VPS13B: variants seen among roughly 807,000 people sequenced by gnomAD.
VPS13B encodes vacuolar protein sorting 13 homolog B.
In VPS13B, 285 loss-of-function variants were observed where a neutral mutation model predicts 426.4. The observed-to-expected ratio is 0.67, with a 90% CI of 0.61 to 0.74. VPS13B has a LOEUF of 0.74. Ranked by LOEUF, VPS13B falls within the 30% of genes least tolerant of loss-of-function variation. VPS13B has a pLI of 0.00. For synonymous variants in VPS13B, 1,676 were observed against 1,676.4 expected, an observed-to-expected ratio of 1.00 and a Z score of 0.01; for missense variants, 4,537 against 4,782.6, an observed-to-expected ratio of 0.95 and a Z score of 1.51.
intron 33 of VPS13B, among the ~76,000 whole-genome samples, chr8:99,597,716 T>A (rs368120463): frequency 6.6e-6 from 1 of 152,016 alleles, no homozygotes; most frequent in Non-Finnish European, 1.5e-5. Context: ...AGTGACATCA[T>A]GCAGCTACTG....
intron 12 of VPS13B, among the ~76,000 whole-genome samples, chr8:99,141,193 A>G (rs930545016): frequency 3.9e-5 from 6 of 152,252 alleles, no homozygotes; most frequent in Admixed American, 2.0e-4. Flanking sequence ...GGCCAGATGC[A>G]TGAAAGGTGG....
In VPS13B at chr8:99,868,411, G is replaced by T. The variant is rs138565077; in HGVS notation, c.11338G>T (p.Val3780Leu). 564 of 1,614,006 alleles carry T rather than the reference G, an allele frequency of 3.5e-4. No individual in the cohort carries two copies. Among genetic ancestry groups the T allele is most frequent in the Non-Finnish European group, 4.5e-4 (532 of 1,180,024 alleles). The part of the protein sequence containing the change: ...ISGVGKGIMG[V>L]FTKPIGGAAE... ...GGGTGTGGGGAAAGGAATCATGGGG[G>T]TGTTCACAAAGCCCATCGGAGGAGC... Residue 3780 changes from valine (V) to leucine (L), a missense_variant, in exon 59 of 62, where the codon GTG becomes TTG. Val to Leu is a conservative substitution (Grantham distance 32). Coordinates refer to ENST00000357162, the MANE Select transcript of VPS13B (RefSeq NM_152564.5).
At chr8:99,580,359 C>G (rs1825990760) in intron 33 of VPS13B, among the ~76,000 whole-genome samples, 1 of 147,778 alleles carries the variant, frequency 6.8e-6, no homozygotes, top group East Asian at 2.0e-4. Flanking sequence ...CTTTTCTTTT[C>G]TTTTCTTTTG....
intron 21 of VPS13B, among the ~76,000 whole-genome samples, chr8:99,426,103 C>G (rs1386193885): frequency 7.0e-6 from 1 of 143,630 alleles, no homozygotes; most frequent in Non-Finnish European, 1.5e-5. Flanking sequence ...TGATATTCCC[C>G]TTCCTGTGTC....
intron 3 of VPS13B, among the ~76,000 whole-genome samples, chr8:99,052,818 T>C (rs1476496132): frequency 9.8e-5 from 15 of 152,360 alleles, no homozygotes; most frequent in African/African-American, 2.6e-4. Context: ...TTTATTTGCA[T>C]AGAGATGTTT....
At chr8:99,718,659 T>C (rs1050838962) in intron 37 of VPS13B, among the ~76,000 whole-genome samples, 75 of 151,874 alleles carry the variant, frequency 4.9e-4, no homozygotes, top group African/African-American at 1.7e-3. Context: ...ATGTGAATTT[T>C]TTTCTTTTTT....
At chr8:99,076,024 C>T (rs1190359874) in intron 3 of VPS13B, among the ~76,000 whole-genome samples, 4 of 151,814 alleles carry the variant, frequency 2.6e-5, no homozygotes, top group Non-Finnish European at 5.9e-5. Flanking sequence ...CTTAGTATCG[C>T]TTTTCTTGTA....
At chr8:99,583,667 A>G (rs928701415) in intron 33 of VPS13B, among the ~76,000 whole-genome samples, 13 of 152,338 alleles carry the variant, frequency 8.5e-5, no homozygotes, top group South Asian at 2.1e-4. Context: ...AATAATTAGA[A>G]ATAGGAACTT....
intron 19 of VPS13B, among the ~76,000 whole-genome samples, chr8:99,278,660 A>C (rs1032043828): frequency 6.6e-6 from 1 of 152,178 alleles, no homozygotes; most frequent in African/African-American, 2.4e-5. Context: ...TTTCTCTTTT[A>C]ACCTTAGAAT....
intron 19 of VPS13B, among the ~76,000 whole-genome samples, chr8:99,371,031 C>T (rs958309719): frequency 6.6e-6 from 1 of 152,134 alleles, no homozygotes; most frequent in East Asian, 1.9e-4. Flanking sequence ...TTTTTTTAAA[C>T]ATATATCCTT....
In VPS13B at chr8:99,391,645, A is replaced by G. The variant is rs369745645; in HGVS notation, c.3023A>G (p.Gln1008Arg). The change falls in exon 21 of 62, where the codon CAG (glutamine) becomes CGG (arginine). Residue 1008 changes from glutamine (Q) to arginine (R), a missense_variant. By Grantham distance (43) the Gln-to-Arg change is conservative. This residue lies in a region of VPS13B where 4,311 missense variants were observed against 4,474.3 expected (regional missense o/e 0.96). Coordinates refer to ENST00000357162, the MANE Select transcript of VPS13B (RefSeq NM_152564.5). ...VSIGSAPLAK[Q>R]QSYQASEYAS... ...ATTGGAAGTGCCCCCTTGGCAAAGC[A>G]GCAATCATATCAGGCCTCTGAATAT... 19 of 1,614,008 alleles carry G rather than the reference A, an allele frequency of 1.2e-5. No homozygotes were observed. The highest frequency in any genetic ancestry group is 1.5e-5 in the Non-Finnish European group (18 of 1,179,948).
intron 5 of VPS13B, among the ~76,000 whole-genome samples, chr8:99,107,928 C>CACTCA: frequency 6.6e-6 from 1 of 152,206 alleles, no homozygotes; most frequent in Middle Eastern, 3.4e-3. Context: ...ATTTGGTGTA[C>CACTCA]AGATTATTCT....
intron 2 of VPS13B, among the ~76,000 whole-genome samples, chr8:99,019,249 C>T (rs2132145113): frequency 6.7e-6 from 1 of 149,768 alleles, no homozygotes; most frequent in Admixed American, 6.7e-5. Flanking sequence ...TCTTGTTGCC[C>T]AGGCTGGAGT....
chr8:99,750,239 A>G (rs1330297435), intron 39 of VPS13B, among the ~76,000 whole-genome samples: 2 of 152,078 alleles, frequency 1.3e-5, no homozygotes, highest in Non-Finnish European at 2.9e-5. Flanking sequence ...CATTGTGGAC[A>G]TTTGTGAATT....
intron 17 of VPS13B, among the ~76,000 whole-genome samples, chr8:99,229,292 C>T (rs1204002925): frequency 2.0e-5 from 3 of 152,182 alleles, no homozygotes; most frequent in African/African-American, 7.2e-5. Flanking sequence ...CTTCTACCAC[C>T]ATTATTCAGG....
At chr8:99,183,073 A>C (rs1174867726) in intron 16 of VPS13B, among the ~76,000 whole-genome samples, 1 of 151,996 alleles carries the variant, frequency 6.6e-6, no homozygotes, top group African/African-American at 2.4e-5. Flanking sequence ...GCCGTCATGG[A>C]AAAAAAAGAG....
At chr8:99,309,176 T>C (rs1457642512) in intron 19 of VPS13B, among the ~76,000 whole-genome samples, 1 of 152,202 alleles carries the variant, frequency 6.6e-6, no homozygotes, top group Non-Finnish European at 1.5e-5. Flanking sequence ...GCAGAAGCTC[T>C]TTAGTTTAGT....
Position 99,148,877 on chromosome 8 carries a change from G to A in VPS13B, c.2013+867G>A, listed in dbSNP as rs554933425. On this transcript the variant is annotated intron_variant, in intron 14 of 61. Transcript: ENST00000357162. Reference sequence around the variant, plus strand: ...TTTCACACTGCAGCTAAGCAGTGGTGTAGCTTAGCGCATATGTGGAAAGCC... The same window carrying A: ...TTTCACACTGCAGCTAAGCAGTGGTATAGCTTAGCGCATATGTGGAAAGCC... Among the ~76,000 whole-genome samples, 76 of 152,344 alleles carry A rather than the reference G, an allele frequency of 5.0e-4. 1 individual carries two copies. Among genetic ancestry groups the A allele is most frequent in the Middle Eastern group, 3.4e-3 (1 of 294 alleles).
intron 32 of VPS13B, among the ~76,000 whole-genome samples, chr8:99,576,364 T>C (rs1825774890): frequency 6.6e-6 from 1 of 151,684 alleles, no homozygotes; most frequent in Admixed American, 6.6e-5. Flanking sequence ...TCTTGGGTAA[T>C]GTTACGGTGA....
Sources: allele counts gnomAD v4.1 joint callset (sites outside exome capture counted in the v4.1 genomes callset), GRCh38; gene constraint gnomAD v4.1.1; regional missense constraint gnomAD v4.1.1; transcripts MANE v1.5; gene names NCBI Gene and HGNC (gene_info 2026-07-23, HGNC 2026-07-21).